SCFD2: variants seen among roughly 807,000 people sequenced by gnomAD.
SCFD2 encodes the protein sec1 family domain-containing protein 2.
SCFD2 carries 54 observed loss-of-function variants against 58.9 expected under a neutral mutation model. The observed-to-expected ratio is 0.92, with a 90% CI of 0.74 to 1.15. The LOEUF is 1.15. Ranked by LOEUF, SCFD2 falls within the 50% of genes most tolerant of loss-of-function variation. The pLI is 0.00. For synonymous variants in SCFD2, 321 were observed against 335.9 expected, an observed-to-expected ratio of 0.96 and a Z score of 0.49; for missense variants, 805 against 836.6, an observed-to-expected ratio of 0.96 and a Z score of 0.47.
At chr4:52,905,008 T>A (rs1719312289) in intron 7 of SCFD2, among the ~76,000 whole-genome samples, 1 of 152,242 alleles carries the variant, frequency 6.6e-6, no homozygotes, top group African/African-American at 2.4e-5. Flanking sequence ...AATATCAGAA[T>A]GAATGGTAAG....
At chr4:53,044,489 A>ACTTCCTTCCTTC (rs536906756) in intron 5 of SCFD2, among the ~76,000 whole-genome samples, 49 of 146,034 alleles carry the variant, frequency 3.4e-4, no homozygotes, top group African/African-American at 1.1e-3. Flanking sequence ...CTTTACAGGA[A>ACTTCCTTCCTTC]CTTCCTTCCT....
chr4:53,207,516 T>A (rs28715261), intron 4 of SCFD2, among the ~76,000 whole-genome samples: 1,217 of 14,026 alleles, frequency 0.087, 72 homozygotes, highest in Non-Finnish European at 0.098. Context: ...TTATATATAT[T>A]ATATATATAA....
intron 7 of SCFD2, among the ~76,000 whole-genome samples, chr4:52,891,773 G>A (rs1485355562): frequency 6.6e-6 from 1 of 152,244 alleles, no homozygotes; most frequent in East Asian, 1.9e-4. Flanking sequence ...CATGCTGCTA[G>A]AGCCTGTCGG....
chr4:53,161,906 C>T (rs1477268172), intron 4 of SCFD2, among the ~76,000 whole-genome samples: 2 of 152,102 alleles, frequency 1.3e-5, no homozygotes, highest in Non-Finnish European at 2.9e-5. Flanking sequence ...CCTAAATTTC[C>T]TGCTGATTCT....
chr4:52,873,958 T>C lies in SCFD2; in HGVS notation c.*11A>G. On this transcript the variant is annotated 3_prime_UTR_variant, in exon 9 of 9. Transcript: ENST00000401642. ...TCCAGCTTGAGTAGGTCTTATCTTC[T>C]TAGCGGATGCTCAGAAGCCAAGGTC... The C allele has an allele frequency of 1.9e-6, 3 of 1,606,536 alleles. No individual in the cohort carries two copies. Among genetic ancestry groups the C allele is most frequent in the Non-Finnish European group, 2.6e-6 (3 of 1,173,214 alleles).
chr4:52,938,337 T>TCTGAGCC (rs1240840411), intron 5 of SCFD2, among the ~76,000 whole-genome samples: 3 of 152,132 alleles, frequency 2.0e-5, no homozygotes, highest in African/African-American at 7.2e-5. Flanking sequence ...ACCCAGGCAG[T>TCTGAGCC]CTGAGCCCAG....
At chr4:53,338,620 G>C (rs1321599829) in intron 2 of SCFD2, among the ~76,000 whole-genome samples, 1 of 102,228 alleles carries the variant, frequency 9.8e-6, no homozygotes, top group Non-Finnish European at 1.8e-5. Flanking sequence ...TCGCTCTGTC[G>C]CCCAGGCTGG....
chr4:53,296,479 TG>T (rs960740973), intron 3 of SCFD2, among the ~76,000 whole-genome samples: 2 of 152,204 alleles, frequency 1.3e-5, no homozygotes, highest in Non-Finnish European at 1.5e-5. Flanking sequence ...GGATCGGTGG[TG>T]ATATATCCTT....
intron 4 of SCFD2, among the ~76,000 whole-genome samples, chr4:53,169,782 T>A (rs1297403290): frequency 6.6e-6 from 1 of 152,244 alleles, no homozygotes. Context: ...TCCTAATGAT[T>A]AGTGATTTGG....
chr4:53,230,272 G>C (rs900672016), intron 4 of SCFD2, among the ~76,000 whole-genome samples: 18 of 152,172 alleles, frequency 1.2e-4, no homozygotes, highest in African/African-American at 4.3e-4. Flanking sequence ...CCATTACTGG[G>C]TATATACCCA....
intron 5 of SCFD2, among the ~76,000 whole-genome samples, chr4:53,008,872 C>T (rs1230271579): frequency 6.6e-6 from 1 of 152,138 alleles, no homozygotes; most frequent in Non-Finnish European, 1.5e-5. Context: ...TCATGCAGAA[C>T]GATCTGCTTG....
At chr4:53,003,741 G>C (rs543056333) in intron 5 of SCFD2, among the ~76,000 whole-genome samples, 1 of 152,198 alleles carries the variant, frequency 6.6e-6, no homozygotes, top group Non-Finnish European at 1.5e-5. Flanking sequence ...ACTATGATAA[G>C]TTATGATGTA....
At chr4:53,313,553 A>T in intron 3 of SCFD2, 83 bp downstream of exon 3, 3 of 1,548,508 alleles carry the variant, frequency 1.9e-6, no homozygotes, top group Non-Finnish European at 2.7e-6. Flanking sequence ...CCTAGATTCC[A>T]TGTTGGCTAG....
intron 4 of SCFD2, among the ~76,000 whole-genome samples, chr4:53,248,948 G>T (rs1730233679): frequency 6.6e-6 from 1 of 152,202 alleles, no homozygotes; most frequent in Non-Finnish European, 1.5e-5. Flanking sequence ...GAACAAAGCT[G>T]GACGGAGAAT....
intron 5 of SCFD2, among the ~76,000 whole-genome samples, chr4:53,120,019 G>A (rs941565834): frequency 7.9e-5 from 12 of 152,054 alleles, no homozygotes; most frequent in African/African-American, 2.9e-4. Flanking sequence ...ATACCTGAAG[G>A]GTTCTTGTTT....
At chr4:53,067,925 G>A (rs1291526582) in intron 5 of SCFD2, among the ~76,000 whole-genome samples, 1 of 152,098 alleles carries the variant, frequency 6.6e-6, no homozygotes, top group Non-Finnish European at 1.5e-5. Context: ...TGGGGTTCAA[G>A]AGGCTAGGAG....
chr4:52,909,702 G>T (rs552816210), intron 6 of SCFD2, among the ~76,000 whole-genome samples: 1 of 152,230 alleles, frequency 6.6e-6, no homozygotes, highest in East Asian at 1.9e-4. Context: ...AATTATTTAT[G>T]CATGAAAAAG....
intron 5 of SCFD2, among the ~76,000 whole-genome samples, chr4:53,002,059 T>G (rs1404772959): frequency 6.6e-6 from 1 of 152,188 alleles, no homozygotes. Context: ...CCTGTAATAA[T>G]CTGACAGCTT....
At chr4:52,984,596 T>C (rs1365774739) in intron 5 of SCFD2, among the ~76,000 whole-genome samples, 1 of 152,232 alleles carries the variant, frequency 6.6e-6, no homozygotes, top group Non-Finnish European at 1.5e-5. Flanking sequence ...GTGACCATTA[T>C]ATAATAGAAT....
Sources: gnomAD v4.1 joint callset for allele counts (sites outside exome capture counted in the v4.1 genomes callset) on GRCh38, gnomAD v4.1.1 for gene constraint, MANE v1.5 for transcripts, NCBI Gene and HGNC (gene_info 2026-07-23, HGNC 2026-07-21) for gene names.